ERVV-1: variants seen among roughly 807,000 people sequenced by gnomAD.
ERVV-1 encodes the protein endogenous retrovirus group V member 1 Env polyprotein.
For missense variants in ERVV-1, 150 were observed against 456.5 expected, an observed-to-expected ratio of 0.33 and a Z score of 6.12; for synonymous variants, 59 against 170.2, an observed-to-expected ratio of 0.35 and a Z score of 5.09.
chr19:53,015,250 C>G lies in ERVV-1; in HGVS notation c.1160C>G (p.Ala387Gly), dbSNP rs1426934764. Residue 387 changes from alanine (A) to glycine (G), a missense_variant, in exon 1 of 1, where the codon GCC becomes GGC. By Grantham distance (60) the Ala-to-Gly change is moderately conservative. Coordinates refer to ENST00000602168, the MANE Select transcript of ERVV-1 (RefSeq NM_152473.3). ...AATGTAGTCATGAACAACAGATTGG[C>G]CTTAGATTACCTCTTAGCAGAGCAG... Reference protein sequence around the residue: ...LANVVMNNRLALDYLLAEQGG... With the variant: ...LANVVMNNRLGLDYLLAEQGG... 1.3e-6 allele frequency: 1 copy of G among 754,004 alleles called. No individual in the cohort carries two copies. Among genetic ancestry groups the G allele is most frequent in the Non-Finnish European group, 2.3e-6 (1 of 432,890 alleles). The allele number at this position is 754,004 out of a possible 1,614,324, so 46.7% of individuals were successfully genotyped here. A position where few individuals can be genotyped will look rare whatever the true frequency, so the allele number is the denominator to read the frequency against.
Position 53,015,531 on chromosome 19 carries a change from A to T in ERVV-1, c.*7A>T, listed in dbSNP as rs1568456934. ...TTGGCCCTTGTCTCTATAATTCACT[A>T]ATTAAATATGTCTCTTCCAGGATAT... On this transcript the variant is annotated 3_prime_UTR_variant, in exon 1 of 1. Coordinates refer to ENST00000602168, the MANE Select transcript of ERVV-1 (RefSeq NM_152473.3). The T allele has an allele frequency of 3.2e-6, 2 of 630,240 alleles. No individual in the cohort carries two copies. The highest frequency in any genetic ancestry group is 2.6e-5 in the Admixed American group (1 of 37,744). 39.0% of individuals were successfully genotyped at this position (630,240 alleles called of 1,614,324 possible).
chr19:53,015,929 G>A lies in ERVV-1; in HGVS notation c.*405G>A. The A allele has an allele frequency of 5.8e-6, 1 of 172,338 alleles. No homozygotes were observed. Among genetic ancestry groups the A allele is most frequent in the Non-Finnish European group, 1.2e-5 (1 of 82,746 alleles). 10.7% of individuals were successfully genotyped at this position (172,338 alleles called of 1,614,324 possible). ...CCTCCTTGGAAACGCTGCACGCTGA[G>A]TCAGCAAAAGGAGGAGCGTGGCTAC... On this transcript the variant is annotated 3_prime_UTR_variant, in exon 1 of 1. Transcript: ENST00000602168.
chr19:53,015,646 G>A lies in ERVV-1; in HGVS notation c.*122G>A, dbSNP rs1228101007. 1 of 580,872 alleles carries A rather than the reference G, an allele frequency of 1.7e-6. No homozygotes were observed. Among genetic ancestry groups the A allele is most frequent in the Admixed American group, 3.2e-5 (1 of 31,288 alleles). 36.0% of individuals were successfully genotyped at this position (580,872 alleles called of 1,614,324 possible). A position where few individuals can be genotyped will look rare whatever the true frequency, so the allele number is the denominator to read the frequency against. ...CACCTACAAGTACATATCTCCCTTGGATGCCAGTGGGCAAAGATTCTGCAA... is the reference window on the plus strand; with the variant it reads ...CACCTACAAGTACATATCTCCCTTGAATGCCAGTGGGCAAAGATTCTGCAA... On this transcript the variant is annotated 3_prime_UTR_variant, in exon 1 of 1. Transcript: ENST00000602168.
chr19:53,015,373 C>T lies in ERVV-1; in HGVS notation c.1283C>T (p.Thr428Met), dbSNP rs1422300294. The part of the protein sequence containing the change: ...EDIKKIYDEV[T>M]WLHNFGKGDS... Reference sequence around the variant, plus strand: ...ATAAAAAAGATCTATGATGAGGTTACGTGGCTCCATAACTTTGGAAAAGGT... The same window carrying T: ...ATAAAAAAGATCTATGATGAGGTTATGTGGCTCCATAACTTTGGAAAAGGT... Residue 428 changes from threonine (T) to methionine (M), a missense_variant, in exon 1 of 1, where the codon ACG becomes ATG. By Grantham distance (81) the Thr-to-Met change is moderately conservative. Transcript: ENST00000602168. 1.8e-5 allele frequency: 13 copies of T among 703,898 alleles called. No individual in the cohort carries two copies. The highest frequency in any genetic ancestry group is 1.4e-4 in the African/African-American group (8 of 57,230). 43.6% of individuals were successfully genotyped at this position (703,898 alleles called of 1,614,324 possible). A position where few individuals can be genotyped will look rare whatever the true frequency, so the allele number is the denominator to read the frequency against.
chr19:53,015,242 C>T lies in ERVV-1; in HGVS notation c.1152C>T (p.Asn384=). The stretch of plus-strand genomic sequence containing the variant: ...CTCTAGCAAATGTAGTCATGAACAA[C>T]AGATTGGCCTTAGATTACCTCTTAG... The part of the protein sequence containing the change: ...IDSLANVVMN[N]RLALDYLLAE... The change falls in exon 1 of 1, where the codon AAC becomes AAT. Residue 384 remains asparagine (N), a synonymous_variant. Transcript: ENST00000602168. 1 of 779,220 alleles carries T rather than the reference C, an allele frequency of 1.3e-6. No individual in the cohort carries two copies. Among genetic ancestry groups the T allele is most frequent in the Non-Finnish European group, 2.2e-6 (1 of 456,086 alleles). 48.3% of individuals were successfully genotyped at this position (779,220 alleles called of 1,614,324 possible). A position where few individuals can be genotyped will look rare whatever the true frequency, so the allele number is the denominator to read the frequency against.
In ERVV-1 at chr19:53,015,416, T is replaced by C. The variant is rs1474154519; in HGVS notation, c.1326T>C (p.Ile442=). The C allele has an allele frequency of 1.1e-5, 8 of 703,022 alleles. No individual in the cohort carries two copies. Among genetic ancestry groups the C allele is most frequent in the South Asian group, 3.0e-5 (2 of 67,588 alleles). The allele number at this position is 703,022 out of a possible 1,614,324, so 43.5% of individuals were successfully genotyped here. A position where few individuals can be genotyped will look rare whatever the true frequency, so the allele number is the denominator to read the frequency against. ...NFGKGDSAGS[I]WEAVKSALPS... ...GAAAAGGTGATTCAGCAGGGTCCAT[T>C]TGGGAGGCTGTGAAGTCTGCCCTCC... The change falls in exon 1 of 1, where the codon ATT becomes ATC. Residue 442 remains isoleucine, a synonymous_variant. Coordinates refer to ENST00000602168, the MANE Select transcript of ERVV-1 (RefSeq NM_152473.3).
At position 53,015,461 on chromosome 19, in the gene ERVV-1, C is replaced by A; in HGVS notation, c.1371C>A (p.Val457=). 1 of 699,612 alleles carries A rather than the reference C, an allele frequency of 1.4e-6. No individual in the cohort carries two copies. Among genetic ancestry groups the A allele is most frequent in the Non-Finnish European group, 2.6e-6 (1 of 383,544 alleles). 43.3% of individuals were successfully genotyped at this position (699,612 alleles called of 1,614,324 possible). ...CCCTCCCCTCCCTCACATGGTTTGTCCCTTTACTGGGACCAGCTGCACTTA... is the reference window on the plus strand; with the variant it reads ...CCCTCCCCTCCCTCACATGGTTTGTACCTTTACTGGGACCAGCTGCACTTA... ...KSALPSLTWF[V]PLLGPAALNS... The change falls in exon 1 of 1, where the codon GTC becomes GTA. Residue 457 remains valine (V), a synonymous_variant. Coordinates refer to ENST00000602168, the MANE Select transcript of ERVV-1 (RefSeq NM_152473.3).
In ERVV-1 at chr19:53,014,991, T is replaced by C. The variant is rs1232659858; in HGVS notation, c.901T>C (p.Leu301=). ...QHTGECAVGL[L]GPRGIGVTIY... ...TACGGGAGAATGTGCTGTGGGACTT[T>C]TGGGACCACGGGGGATAGGTGTGAC... Residue 301 remains leucine (L), a synonymous_variant, in exon 1 of 1, where the codon TTG becomes CTG. Transcript: ENST00000602168. The C allele has an allele frequency of 6.5e-7, 1 of 1,535,018 alleles. No homozygotes were observed. The highest frequency in any genetic ancestry group is 8.7e-7 in the Non-Finnish European group (1 of 1,146,306).
In ERVV-1 at chr19:53,015,598, C is replaced by T. The variant is rs923764031; in HGVS notation, c.*74C>T. On this transcript the variant is annotated 3_prime_UTR_variant, in exon 1 of 1. Transcript: ENST00000602168. ...GCCCCTAAAAATGGAAAGAGATCAT[C>T]CAATCTTCCTTGGAGGTCCCAGCAC... The T allele has an allele frequency of 1.6e-6, 1 of 610,466 alleles. No individual in the cohort carries two copies. Among genetic ancestry groups the T allele is most frequent in the East Asian group, 2.7e-5 (1 of 36,478 alleles). The allele number at this position is 610,466 out of a possible 1,614,324, so 37.8% of individuals were successfully genotyped here. A position where few individuals can be genotyped will look rare whatever the true frequency, so the allele number is the denominator to read the frequency against.
Position 53,014,174 on chromosome 19 carries a change from T to C in ERVV-1, c.84T>C (p.Leu28=). ...AGGCACAGTGGAATGAAAATTCCCT[T>C]GTCAGTTTTTCCAAAATAATTGCTT... ...LSQAQWNENS[L]VSFSKIIASG... is the part of the protein sequence containing the mutation. The change falls in exon 1 of 1, where the codon CTT becomes CTC. Residue 28 remains leucine, a synonymous_variant. Transcript: ENST00000602168. The C allele has an allele frequency of 1.4e-6, 2 of 1,474,736 alleles. No individual in the cohort carries two copies. Among genetic ancestry groups the C allele is most frequent in the South Asian group, 2.5e-5 (2 of 81,170 alleles). 91.4% of individuals were successfully genotyped at this position (1,474,736 alleles called of 1,614,324 possible). A position where few individuals can be genotyped will look rare whatever the true frequency, so the allele number is the denominator to read the frequency against.
rs973596572 is a variant in ERVV-1 at position 53,014,860 on chromosome 19, T to C, written c.770T>C (p.Leu257Ser). 2.6e-6 allele frequency: 4 copies of C among 1,535,270 alleles called. No homozygotes were observed. The African/African-American group carries it at 5.5e-5, about 21-fold the overall frequency. The change falls in exon 1 of 1, where the codon TTA (leucine) becomes TCA (serine). Residue 257 changes from leucine (L) to serine (S), a missense_variant. Physicochemically the swap from Leu to Ser is moderately radical, Grantham distance 145. Transcript: ENST00000602168. Reference sequence around the variant, plus strand: ...TGTACCCCTCCTGGCTATGTATTTTTATGTGGGCCACAAAAAAATAAACTG... The same window carrying C: ...TGTACCCCTCCTGGCTATGTATTTTCATGTGGGCCACAAAAAAATAAACTG... The part of the protein sequence containing the change: ...WACTPPGYVF[L>S]CGPQKNKLPF...
rs997615762 is a variant in ERVV-1, at chr19:53,013,933, G to A, written c.-158G>A. ...GGGGAATCTTGGTTGCGGTGGCATC[G>A]GTTCTTCTCCTTATTTTGACCCACA... is the stretch of plus-strand genomic sequence containing the variant. On this transcript the variant is annotated 5_prime_UTR_variant, in exon 1 of 1. Coordinates refer to ENST00000602168, the MANE Select transcript of ERVV-1 (RefSeq NM_152473.3). 230 of 1,062,366 alleles carry A rather than the reference G, an allele frequency of 2.2e-4. No individual in the cohort carries two copies. The highest frequency in any genetic ancestry group is 2.9e-4 in the Non-Finnish European group (221 of 750,188). 65.8% of individuals were successfully genotyped at this position (1,062,366 alleles called of 1,614,324 possible). A position where few individuals can be genotyped will look rare whatever the true frequency, so the allele number is the denominator to read the frequency against.
chr19:53,014,885 G>A lies in ERVV-1; in HGVS notation c.795G>A (p.Leu265=). ...VFLCGPQKNK[L]PFDGSPKITY... ...TATGTGGGCCACAAAAAAATAAACT[G>A]CCCTTTGATGGAAGTCCTAAGATAA... Residue 265 remains leucine (L), a synonymous_variant, in exon 1 of 1, where the codon CTG becomes CTA. Transcript: ENST00000602168. The A allele has an allele frequency of 6.5e-7, 1 of 1,535,728 alleles. No individual in the cohort carries two copies. The highest frequency in any genetic ancestry group is 8.7e-7 in the Non-Finnish European group (1 of 1,146,736).
At position 53,015,261 on chromosome 19, in the gene ERVV-1, C is replaced by T. The variant is rs11670105; in HGVS notation, c.1171C>T (p.Leu391Phe). The change falls in exon 1 of 1, where the codon CTC becomes TTC. Residue 391 changes from leucine (L) to phenylalanine (F), a missense_variant. By Grantham distance (22) the Leu-to-Phe change is conservative (BLOSUM62 0). Transcript: ENST00000602168. The part of the protein sequence containing the change: ...VMNNRLALDY[L>F]LAEQGGVCAV... Reference sequence around the variant, plus strand: ...GAACAACAGATTGGCCTTAGATTACCTCTTAGCAGAGCAGGGTGGAGTCTG... The same window carrying T: ...GAACAACAGATTGGCCTTAGATTACTTCTTAGCAGAGCAGGGTGGAGTCTG... 49,733 of 740,112 alleles carry T rather than the reference C, an allele frequency of 0.067. 2,243 individuals are homozygous for T. The highest frequency in any genetic ancestry group is 0.13 in the South Asian group (9,042 of 68,100). 45.8% of individuals were successfully genotyped at this position (740,112 alleles called of 1,614,324 possible).
At position 53,016,090 on chromosome 19, in the gene ERVV-1, A is replaced by G. The variant is rs1260669593; in HGVS notation, c.*566A>G. 5 of 152,558 alleles carry G rather than the reference A, an allele frequency of 3.3e-5. No individual in the cohort carries two copies. The highest frequency in any genetic ancestry group is 7.3e-5 in the Non-Finnish European group (5 of 68,316). 9.5% of individuals were successfully genotyped at this position (152,558 alleles called of 1,614,324 possible). A position where few individuals can be genotyped will look rare whatever the true frequency, so the allele number is the denominator to read the frequency against. ...TACTTCTCTAATAATTCACCCTAAT[A>G]TACCATTTTGTTCATTAAAATAATA... On this transcript the variant is annotated 3_prime_UTR_variant, in exon 1 of 1. Coordinates refer to ENST00000602168, the MANE Select transcript of ERVV-1 (RefSeq NM_152473.3).
At position 53,016,103 on chromosome 19, in the gene ERVV-1, C is replaced by T. The variant is rs570366039; in HGVS notation, c.*579C>T. 1 of 152,440 alleles carries T rather than the reference C, an allele frequency of 6.6e-6. No individual in the cohort carries two copies. Among genetic ancestry groups the T allele is most frequent in the South Asian group, 2.1e-4 (1 of 4,820 alleles). The allele number at this position is 152,440 out of a possible 1,614,324, so 9.4% of individuals were successfully genotyped here. ...ATTCACCCTAATATACCATTTTGTT[C>T]ATTAAAATAATAAAAAAAACCACAC... On this transcript the variant is annotated 3_prime_UTR_variant, in exon 1 of 1. Transcript: ENST00000602168.
In ERVV-1 at chr19:53,015,460, T is replaced by G; in HGVS notation, c.1370T>G (p.Val457Gly). 2.9e-6 allele frequency: 2 copies of G among 700,326 alleles called. No individual in the cohort carries two copies. The highest frequency in any genetic ancestry group is 1.5e-5 in the South Asian group (1 of 66,962). 43.4% of individuals were successfully genotyped at this position (700,326 alleles called of 1,614,324 possible). A position where few individuals can be genotyped will look rare whatever the true frequency, so the allele number is the denominator to read the frequency against. ...KSALPSLTWF[V>G]PLLGPAALNS... Reference sequence around the variant, plus strand: ...GCCCTCCCCTCCCTCACATGGTTTGTCCCTTTACTGGGACCAGCTGCACTT... The same window carrying G: ...GCCCTCCCCTCCCTCACATGGTTTGGCCCTTTACTGGGACCAGCTGCACTT... Residue 457 changes from valine to glycine, a missense_variant, in exon 1 of 1, where the codon GTC becomes GGC. Coordinates refer to ENST00000602168, the MANE Select transcript of ERVV-1 (RefSeq NM_152473.3).
Position 53,014,359 on chromosome 19 carries a change from C to G in ERVV-1, c.269C>G (p.Ala90Gly). 1.2e-6 allele frequency: 1 copy of G among 859,394 alleles called. No homozygotes were observed. The highest frequency in any genetic ancestry group is 1.8e-5 in the South Asian group (1 of 54,164). 53.2% of individuals were successfully genotyped at this position (859,394 alleles called of 1,614,324 possible). A position where few individuals can be genotyped will look rare whatever the true frequency, so the allele number is the denominator to read the frequency against. ...TCTGTTCCGCTCCAGGTTTCGCTTGCTAACTCAGCGCACCAAGTCCCCTGC... is the reference window on the plus strand; with the variant it reads ...TCTGTTCCGCTCCAGGTTTCGCTTGGTAACTCAGCGCACCAAGTCCCCTGC... ...HKSVPLQVSLANSAHQVPCLD... is the reference protein window; with the variant it reads ...HKSVPLQVSLGNSAHQVPCLD... The change falls in exon 1 of 1, where the codon GCT (alanine) becomes GGT (glycine). Residue 90 changes from alanine (A) to glycine (G), a missense_variant. Physicochemically the swap from Ala to Gly is moderately conservative, Grantham distance 60. Transcript: ENST00000602168.
Position 53,013,923 on chromosome 19 carries a change from C to A in ERVV-1, c.-168C>A, listed in dbSNP as rs1019390664. On this transcript the variant is annotated 5_prime_UTR_variant, in exon 1 of 1. Coordinates refer to ENST00000602168, the MANE Select transcript of ERVV-1 (RefSeq NM_152473.3). ...CTCTCAGTACGGGGAATCTTGGTTG[C>A]GGTGGCATCGGTTCTTCTCCTTATT... 1 of 856,870 alleles carries A rather than the reference C, an allele frequency of 1.2e-6. No homozygotes were observed. Among genetic ancestry groups the A allele is most frequent in the Non-Finnish European group, 1.8e-6 (1 of 566,838 alleles). The allele number at this position is 856,870 out of a possible 1,614,324, so 53.1% of individuals were successfully genotyped here.
Sources: allele counts gnomAD v4.1 joint callset, GRCh38; gene constraint gnomAD v4.1.1; transcripts MANE v1.5; gene names NCBI Gene and HGNC (gene_info 2026-07-23, HGNC 2026-07-21).